Variants in KATNIP observed in about 807,000 individuals in gnomAD.
The protein encoded by KATNIP is katanin interacting protein, also known as katanin-interacting protein.
In KATNIP, 126 loss-of-function variants were observed where a neutral mutation model predicts 174.0. That is an observed-to-expected ratio of 0.72 (90% confidence interval 0.63 to 0.84). The LOEUF (loss-of-function observed/expected upper bound fraction) is 0.84, where lower values mean the gene tolerates loss of function less well. Among genes scored for constraint, KATNIP ranks in the 40% least tolerant of loss-of-function variants. The pLI is 0.00. For synonymous variants in KATNIP, 810 were observed against 835.7 expected (o/e 0.97, Z 0.53); for missense variants, 1,958 against 2,109.7 (o/e 0.93, Z 1.41).
intron 6 of KATNIP, among the ~76,000 whole-genome samples, chr16:27,650,754 G>A (rs2077098198): frequency 2.6e-5 from 4 of 152,134 alleles, no homozygotes; most frequent in Non-Finnish European, 2.9e-5. Flanking sequence ...TAAAATACCC[G>A]AGTATGTTGG....
At chr16:27,631,990 T>C (rs1567231097) in intron 5 of KATNIP, among the ~76,000 whole-genome samples, 1 of 152,188 alleles carries the variant, frequency 6.6e-6, no homozygotes, top group Non-Finnish European at 1.5e-5. Flanking sequence ...TCCAATATTG[T>C]CCCTCTTTAT....
At position 27,727,180 on chromosome 16, in the gene KATNIP, A is replaced by ATGTTTGTT. The variant is rs537764418; in HGVS notation, c.1743+5503_1743+5510dup. 6.0e-3 allele frequency: 1,146 copies of ATGTTTGTT among 191,962 alleles called. 22 individuals are homozygous for ATGTTTGTT. The highest frequency in any genetic ancestry group is 0.025 in the African/African-American group (1,066 of 42,598). 11.9% of individuals were successfully genotyped at this position (191,962 alleles called of 1,614,324 possible). ...GCAGGGTGATGTGATCTGATGGAGGATGTTTGTTTGTTTGTTTGTTTGTTT... is the reference window on the plus strand; with the variant it reads ...GCAGGGTGATGTGATCTGATGGAGGATGTTTGTTTGTTTGTTTGTTTGTTTGTTTGTTT... On this transcript the variant is annotated intron_variant, in intron 14 of 27. Coordinates refer to ENST00000261588, the MANE Select transcript of KATNIP (RefSeq NM_015202.5).
intron 13 of KATNIP, among the ~76,000 whole-genome samples, chr16:27,714,274 A>G (rs1455144541): frequency 1.3e-5 from 2 of 152,126 alleles, no homozygotes; most frequent in Non-Finnish European, 2.9e-5. Flanking sequence ...TCTTGTTTAC[A>G]TGTATATTAT....
chr16:27,556,819 G>A (rs1351636627), intron 1 of KATNIP, among the ~76,000 whole-genome samples: 2 of 152,108 alleles, frequency 1.3e-5, no homozygotes, highest in Non-Finnish European at 2.9e-5. Flanking sequence ...ATAAAACAAA[G>A]CAAGCATTCA....
chr16:27,772,797 G>T (rs1174845978), intron 22 of KATNIP, among the ~76,000 whole-genome samples: 1 of 152,054 alleles, frequency 6.6e-6, no homozygotes, highest in Non-Finnish European at 1.5e-5. Context: ...GTCTCCTGGG[G>T]CCTAGAGGAA....
In KATNIP at chr16:27,637,702, G is replaced by A. The variant is rs1298718297; in HGVS notation, c.408+6540G>A. On this transcript the variant is annotated intron_variant, in intron 5 of 27. Transcript: ENST00000261588. The surrounding 1 kb of genome is among the most constrained non-coding windows in gnomAD (Gnocchi z 4.7). ...CAGGACAGGGTGGCAGAAAGGGTGG[G>A]GATGAGGGTGTCAGGGTTGCAAGTA... 4.6e-5 allele frequency among the ~76,000 whole-genome samples: 7 copies of A among 152,196 alleles called. No individual in the cohort carries two copies. The highest frequency in any genetic ancestry group is 5.9e-5 in the Non-Finnish European group (4 of 68,038).
intron 5 of KATNIP, among the ~76,000 whole-genome samples, chr16:27,640,560 A>C (rs2076761281): frequency 2.6e-5 from 4 of 152,082 alleles, no homozygotes; most frequent in Admixed American, 2.0e-4. Context: ...TCCAGCACCC[A>C]CTCAACATTA....
At chr16:27,616,888 A>T (rs1032144070) in intron 2 of KATNIP, among the ~76,000 whole-genome samples, 2 of 5,344 alleles carry the variant, frequency 3.7e-4, no homozygotes, top group Non-Finnish European at 6.3e-4. Flanking sequence ...CATCTCTACT[A>T]AAAAAAAAAA....
In KATNIP at chr16:27,586,519, A is replaced by G. The variant is rs139430976; in HGVS notation, c.63+12563A>G. On this transcript the variant is annotated intron_variant, in intron 2 of 27. Transcript: ENST00000261588. ...CTGTGCCTTCCTCCCCACCACCACTATATAATTCAAAACAAAAACTGAAAT... is the reference window on the plus strand; with the variant it reads ...CTGTGCCTTCCTCCCCACCACCACTGTATAATTCAAAACAAAAACTGAAAT... Among the ~76,000 whole-genome samples, 1,360 of 152,080 alleles carry G rather than the reference A, an allele frequency of 8.9e-3. 19 individuals carry two copies. The highest frequency in any genetic ancestry group is 0.031 in the African/African-American group (1,300 of 41,488).
intron 20 of KATNIP, 114 bp from the exon 21 acceptor site, chr16:27,769,747 G>A: frequency 7.7e-7 from 1 of 1,300,552 alleles, no homozygotes; most frequent in Non-Finnish European, 1.1e-6. Flanking sequence ...AGGTGGCTCT[G>A]CGAAAGGCTC....
chr16:27,599,128 G>C (rs963150950), intron 2 of KATNIP, among the ~76,000 whole-genome samples: 1 of 152,200 alleles, frequency 6.6e-6, no homozygotes, highest in African/African-American at 2.4e-5. Context: ...CACTGCCTTT[G>C]ATAATGCTTC....
At chr16:27,608,744 C>T (rs1048294802) in intron 2 of KATNIP, among the ~76,000 whole-genome samples, 2 of 152,116 alleles carry the variant, frequency 1.3e-5, no homozygotes, top group African/African-American at 4.8e-5. Context: ...TTCTCCAGGG[C>T]CAGCATTGGG....
chr16:27,557,571 G>T (rs898695805), intron 1 of KATNIP, among the ~76,000 whole-genome samples: 11 of 152,084 alleles, frequency 7.2e-5, no homozygotes, highest in Non-Finnish European at 1.2e-4. Flanking sequence ...GGGACTACAG[G>T]TGTGTGCCAC....
chr16:27,681,540 C>A lies in KATNIP; in HGVS notation c.940+10C>A, dbSNP rs2078341032. The A allele has an allele frequency of 1.1e-5, 17 of 1,614,082 alleles. No individual in the cohort carries two copies. Among genetic ancestry groups the A allele is most frequent in the Non-Finnish European group, 1.4e-5 (17 of 1,179,990 alleles). On this transcript the variant is annotated intron_variant, in intron 8 of 27. Coordinates refer to ENST00000261588, the MANE Select transcript of KATNIP (RefSeq NM_015202.5). ...GAGAGGATGTGCTCCAGTAAGAGTTCCGGGGGCCCCTGAGCAGGGGAGCAG... is the reference window on the plus strand; with the variant it reads ...GAGAGGATGTGCTCCAGTAAGAGTTACGGGGGCCCCTGAGCAGGGGAGCAG...
intron 6 of KATNIP, among the ~76,000 whole-genome samples, chr16:27,674,715 A>G (rs541813511): frequency 7.2e-5 from 11 of 152,320 alleles, no homozygotes; most frequent in African/African-American, 2.6e-4. Flanking sequence ...GCATCTCCTC[A>G]GCTCCCAGGG....
chr16:27,739,956 C>CT, intron 14 of KATNIP, 85 bp from the exon 15 acceptor site: 2 of 1,414,768 alleles, frequency 1.4e-6, no homozygotes, highest in Non-Finnish European at 1.9e-6. Flanking sequence ...ATTTTCTTTT[C>CT]TTTTTTTGGT....
intron 13 of KATNIP, among the ~76,000 whole-genome samples, chr16:27,710,892 G>T (rs148996745): frequency 9.9e-5 from 15 of 152,238 alleles, no homozygotes; most frequent in African/African-American, 3.6e-4. Flanking sequence ...AACAAGAAAA[G>T]GGGTTTTTGA....
intron 13 of KATNIP, among the ~76,000 whole-genome samples, chr16:27,720,865 G>A (rs903913557): frequency 1.3e-5 from 2 of 152,184 alleles, no homozygotes; most frequent in Non-Finnish European, 2.9e-5. Context: ...AAGAGGAGGC[G>A]GCTGGGGCTG....
intron 5 of KATNIP, among the ~76,000 whole-genome samples, chr16:27,634,157 A>C (rs150204407): frequency 6.6e-6 from 1 of 152,170 alleles, no homozygotes; most frequent in African/African-American, 2.4e-5. Context: ...AACTTGGCCT[A>C]AGATTAATTA....
Sources: gnomAD v4.1 joint callset for allele counts (sites outside exome capture counted in the v4.1 genomes callset) on GRCh38, gnomAD v4.1.1 for gene constraint, Gnocchi (gnomAD v3.1) non-coding constraint, MANE v1.5 for transcripts, NCBI Gene and HGNC (gene_info 2026-07-23, HGNC 2026-07-21) for gene names.